ATG13: variants seen among roughly 807,000 people sequenced by gnomAD.
The protein encoded by ATG13 is autophagy related 13.
Under a neutral mutation model 65.5 loss-of-function variants are expected in ATG13, and 23 were observed. The observed-to-expected ratio is 0.35, with a 90% confidence interval of 0.25 to 0.50. The LOEUF (loss-of-function observed/expected upper bound fraction) is 0.50, where lower values mean the gene tolerates loss of function less well. Among genes scored for constraint, ATG13 ranks in the 20% least tolerant of loss-of-function variants. The probability of loss-of-function intolerance (pLI) is 0.98; values close to 1 mark genes in which losing one functional copy is unlikely to be tolerated. For missense variants in ATG13, 566 were observed against 677.0 expected (o/e 0.84, Z 1.82); for synonymous variants, 252 against 245.2 (o/e 1.03, Z -0.26).
chr11:46,664,765 T>G, intron 12 of ATG13, 84 bp from the exon 13 acceptor site: 2 of 1,253,944 alleles, frequency 1.6e-6, no homozygotes, highest in Non-Finnish European at 2.3e-6. Context: ...ATCTCTCTAC[T>G]GAGCCATCTT....
intron 11 of ATG13, among the ~76,000 whole-genome samples, chr11:46,662,679 G>T (rs748340012): frequency 2.2e-4 from 34 of 152,166 alleles, no homozygotes; most frequent in Non-Finnish European, 3.1e-4. Context: ...ATTTCTCTTG[G>T]CAGTAGAGAG....
At position 46,667,813 on chromosome 11, in the gene ATG13, G is replaced by A. The variant is rs147787573; in HGVS notation, c.1177G>A (p.Ala393Thr). Residue 393 changes from alanine (A) to threonine (T), a missense_variant, in exon 15 of 19, where the codon GCC (alanine) becomes ACC (threonine). Around this residue, in one of 2 missense-constraint regions of ATG13, gnomAD observed 387 missense variants for 409.8 expected, o/e 0.94. Coordinates refer to ENST00000683050, the MANE Select transcript of ATG13 (RefSeq NM_001346311.2). ...ETVSNSSEGR[A>T]SPHDVLETIF... Reference sequence around the variant, plus strand: ...CGTATCAAACAGCAGTGAGGGACGGGCCTCCCCTCACGATGTCTTGGAGAC... The same window carrying A: ...CGTATCAAACAGCAGTGAGGGACGGACCTCCCCTCACGATGTCTTGGAGAC... 106 of 1,611,902 alleles carry A rather than the reference G, an allele frequency of 6.6e-5. No homozygotes were observed. In the African/African-American group the frequency reaches 1.3e-3, roughly 19 times the overall value.
intron 2 of ATG13, among the ~76,000 whole-genome samples, chr11:46,641,561 A>C (rs1167120176): frequency 6.6e-6 from 1 of 152,194 alleles, no homozygotes; most frequent in East Asian, 1.9e-4. Flanking sequence ...ACCCAAACTA[A>C]TCTGTGGTGA....
At chr11:46,649,262 G>C (rs1343251635) in intron 6 of ATG13, 79 bp downstream of exon 6, 5 of 1,511,128 alleles carry the variant, frequency 3.3e-6, no homozygotes, top group Non-Finnish European at 4.5e-6. Context: ...GCAGGGCTTT[G>C]TTTTCAGAGT....
chr11:46,644,694 G>A (rs1362418286), intron 3 of ATG13, among the ~76,000 whole-genome samples: 3 of 152,062 alleles, frequency 2.0e-5, no homozygotes, highest in African/African-American at 7.2e-5. Context: ...GCTGGAATGG[G>A]CAGCATTTTG....
chr11:46,668,484 C>T lies in ATG13; in HGVS notation c.1252-15C>T, dbSNP rs751689555. 1 of 1,613,378 alleles carries T rather than the reference C, an allele frequency of 6.2e-7. No homozygotes were observed. Among genetic ancestry groups the T allele is most frequent in the Non-Finnish European group, 8.5e-7 (1 of 1,179,272 alleles). ...GAGGGGCAGGCATGAATGCTTTTCT[C>T]CTGTGTCTCTTCAGGTGACCCTGAC... On this transcript the variant is annotated splice_polypyrimidine_tract_variant and intron_variant, in intron 15 of 18. Transcript: ENST00000683050.
At chr11:46,647,356 C>T (rs1159419836) in intron 5 of ATG13, among the ~76,000 whole-genome samples, 1 of 150,524 alleles carries the variant, frequency 6.6e-6, no homozygotes, top group African/African-American at 2.5e-5. Context: ...CAGCTCACTG[C>T]AACCTCCGCC....
intron 2 of ATG13, among the ~76,000 whole-genome samples, chr11:46,641,942 A>AT (rs1241043185): frequency 2.6e-5 from 4 of 151,592 alleles, no homozygotes; most frequent in Non-Finnish European, 4.4e-5. Flanking sequence ...GCCTGGCTAA[A>AT]TTTTTTTGTA....
chr11:46,618,968 C>T (rs2135496870), intron 1 of ATG13, among the ~76,000 whole-genome samples: 1 of 152,236 alleles, frequency 6.6e-6, no homozygotes, highest in East Asian at 1.9e-4. Flanking sequence ...CATGCATAAG[C>T]CACAGAGTCC....
intron 2 of ATG13, among the ~76,000 whole-genome samples, chr11:46,641,047 A>G (rs1405268033): frequency 6.6e-6 from 1 of 152,250 alleles, no homozygotes; most frequent in African/African-American, 2.4e-5. Context: ...AAAACAGGAA[A>G]CAACTCAAAT....
chr11:46,668,316 T>A (rs770752495), intron 15 of ATG13, among the ~76,000 whole-genome samples, 183 bp from the exon 16 acceptor site: 1 of 152,102 alleles, frequency 6.6e-6, no homozygotes, highest in South Asian at 2.1e-4. Context: ...TGTGGGTGTA[T>A]GTGATGGGGG....
intron 1 of ATG13, among the ~76,000 whole-genome samples, chr11:46,622,570 G>A (rs932983886): frequency 6.6e-6 from 1 of 152,154 alleles, no homozygotes; most frequent in Admixed American, 6.5e-5. Flanking sequence ...GAAAGTTTTT[G>A]TAAGTCCATT....
intron 2 of ATG13, among the ~76,000 whole-genome samples, chr11:46,635,615 A>C (rs2136048938): frequency 6.6e-6 from 1 of 152,348 alleles, no homozygotes; most frequent in East Asian, 1.9e-4. Context: ...TCATAGGAGC[A>C]CTCAAAGAAA....
At chr11:46,656,773 G>A (rs576534844) in intron 8 of ATG13, among the ~76,000 whole-genome samples, 2 of 152,284 alleles carry the variant, frequency 1.3e-5, no homozygotes, top group African/African-American at 4.8e-5. Flanking sequence ...GGGCTGGTTA[G>A]TAGAACTTTC....
chr11:46,655,346 C>T (rs988828190), intron 7 of ATG13, among the ~76,000 whole-genome samples: 19 of 151,884 alleles, frequency 1.3e-4, no homozygotes, highest in Admixed American at 3.3e-4. Flanking sequence ...TGCAGTGAGC[C>T]GAGATTGCAC....
chr11:46,650,980 CTT>C (rs779741105), intron 7 of ATG13, among the ~76,000 whole-genome samples: 2 of 152,148 alleles, frequency 1.3e-5, no homozygotes, highest in African/African-American at 2.4e-5. Flanking sequence ...TAAATTAAAA[CTT>C]TGTCTAACAA....
chr11:46,618,938 C>T (rs1232280378), intron 1 of ATG13, among the ~76,000 whole-genome samples: 1 of 152,144 alleles, frequency 6.6e-6, no homozygotes, highest in African/African-American at 2.4e-5. Context: ...CCACCTCAGC[C>T]TTCTAAAGTG....
At chr11:46,656,748 G>C (rs1490533978) in intron 8 of ATG13, among the ~76,000 whole-genome samples, 1 of 152,164 alleles carries the variant, frequency 6.6e-6, no homozygotes, top group Non-Finnish European at 1.5e-5. Context: ...TTTAGCATGT[G>C]ATGTATCCTT....
rs373152510 is a variant in ATG13, at chr11:46,667,825, G to A, written c.1189G>A (p.Asp397Asn). ...NSSEGRASPH[D>N]VLETIFVRKV... is the part of the protein sequence containing the mutation. ...CAGTGAGGGACGGGCCTCCCCTCAC[G>A]ATGTCTTGGAGACCATCTTTGTCCG... The change falls in exon 15 of 19, where the codon GAT becomes AAT. Residue 397 changes from aspartate to asparagine, a missense_variant. Physicochemically the swap from Asp to Asn is conservative, Grantham distance 23. Coordinates refer to ENST00000683050, the MANE Select transcript of ATG13 (RefSeq NM_001346311.2). 12 of 1,612,156 alleles carry A rather than the reference G, an allele frequency of 7.4e-6. No individual in the cohort carries two copies. The highest frequency in any genetic ancestry group is 9.3e-6 in the Non-Finnish European group (11 of 1,178,354).
Sources: gnomAD v4.1 joint callset for allele counts (sites outside exome capture counted in the v4.1 genomes callset) on GRCh38, gnomAD v4.1.1 for gene constraint, gnomAD v4.1.1 regional missense constraint, MANE v1.5 for transcripts, NCBI Gene and HGNC (gene_info 2026-07-23, HGNC 2026-07-21) for gene names.